DCUN1D4: variants seen among roughly 807,000 people sequenced by gnomAD.
DCUN1D4 encodes DCN1-like protein 4.
Under a neutral mutation model 47.9 loss-of-function variants are expected in DCUN1D4, and 22 were observed. The ratio of observed to expected loss-of-function variants is 0.46; its 90% CI spans 0.33 to 0.66. The LOEUF is 0.66. Among genes scored for constraint, DCUN1D4 ranks in the 30% least tolerant of loss-of-function variants. The probability of loss-of-function intolerance (pLI) is 0.02; values close to 1 mark genes in which losing one functional copy is unlikely to be tolerated. For missense variants in DCUN1D4, 301 were observed against 340.8 expected, an observed-to-expected ratio of 0.88 and a Z score of 0.92; for synonymous variants, 121 against 112.2, an observed-to-expected ratio of 1.08 and a Z score of -0.50.
In DCUN1D4 at chr4:51,874,332, G is replaced by A. The variant is rs752481392; in HGVS notation, c.198G>A (p.Lys66=). The change falls in exon 4 of 11, where the codon AAG becomes AAA. Residue 66 remains lysine, a synonymous_variant. Coordinates refer to ENST00000334635, the MANE Select transcript of DCUN1D4 (RefSeq NM_001040402.3). ...CFNKVMPPRK[K]RRPASGDDLS... is the part of the protein sequence containing the mutation. ...ATAAAGTGATGCCACCAAGGAAAAA[G>A]AGAAGACCTGCCTCTGGAGATGATT... is the stretch of plus-strand genomic sequence containing the variant. The A allele has an allele frequency of 6.2e-6, 10 of 1,613,870 alleles. No individual in the cohort carries two copies. The South Asian group carries it at 1.1e-4, about 18-fold the overall frequency.
intron 1 of DCUN1D4, chr4:51,848,208 T>C (rs946629077): frequency 2.2e-5 from 29 of 1,288,894 alleles, no homozygotes; most frequent in African/African-American, 2.1e-4. Flanking sequence ...CATGCAGATA[T>C]CAGTTTTAGA....
chr4:51,883,975 A>G (rs553645624), intron 5 of DCUN1D4, among the ~76,000 whole-genome samples: 162 of 148,620 alleles, frequency 1.1e-3, no homozygotes, highest in Non-Finnish European at 2.0e-3. Context: ...AAAACTAGGA[A>G]TATATAAATA....
At chr4:51,881,856 G>C (rs948995589) in intron 5 of DCUN1D4, among the ~76,000 whole-genome samples, 19 of 152,012 alleles carry the variant, frequency 1.2e-4, no homozygotes, top group Non-Finnish European at 2.2e-4. Flanking sequence ...TTAAATGTGT[G>C]CATGGGAAAG....
At chr4:51,911,017 G>A in intron 8 of DCUN1D4, 53 bp from the exon 9 acceptor site, 2 of 1,536,430 alleles carry the variant, frequency 1.3e-6, no homozygotes, top group South Asian at 1.1e-5. Context: ...GCAATTATTG[G>A]AATTTATTAT....
chr4:51,891,478 T>A (rs1284669902), intron 6 of DCUN1D4, among the ~76,000 whole-genome samples: 2 of 152,196 alleles, frequency 1.3e-5, no homozygotes, highest in Non-Finnish European at 2.9e-5. Flanking sequence ...ACATTTGATA[T>A]TGCCCTCTGG....
intron 7 of DCUN1D4, among the ~76,000 whole-genome samples, chr4:51,892,455 C>G (rs1300532157): frequency 6.6e-6 from 1 of 152,108 alleles, no homozygotes; most frequent in East Asian, 1.9e-4. Context: ...TTACTGGCAT[C>G]TGGTTTATAC....
In DCUN1D4 at chr4:51,899,271, T is replaced by C. The variant is rs1467219612; in HGVS notation, c.508T>C (p.Cys170Arg). The C allele has an allele frequency of 1.3e-6, 2 of 1,595,480 alleles. No individual in the cohort carries two copies. The highest frequency in any genetic ancestry group is 1.4e-5 in the African/African-American group (1 of 73,570). ...TTTGCCTTTATTCTGTTTTTCTAGA[T>C]GTGATACAACAGAAAAACTCAGAAA... ...EWLKGMTSLQ[C>R]DTTEKLRNTL... The change falls in exon 8 of 11, where the codon TGT becomes CGT. Residue 170 changes from cysteine (C) to arginine (R), a missense_variant and splice_region_variant. Physicochemically the swap from Cys to Arg is radical, Grantham distance 180. Around this residue, in one of 2 missense-constraint regions of DCUN1D4, gnomAD observed 170 missense variants for 234.5 expected, o/e 0.73. Coordinates refer to ENST00000334635, the MANE Select transcript of DCUN1D4 (RefSeq NM_001040402.3).
intron 8 of DCUN1D4, among the ~76,000 whole-genome samples, chr4:51,910,259 A>G (rs1290849182): frequency 1.3e-5 from 2 of 152,346 alleles, no homozygotes; most frequent in South Asian, 4.1e-4. Flanking sequence ...ATGGAAGCAT[A>G]TAAGAAAGAC....
chr4:51,905,808 G>C (rs554942441), intron 8 of DCUN1D4, among the ~76,000 whole-genome samples: 2 of 152,226 alleles, frequency 1.3e-5, no homozygotes, highest in East Asian at 3.9e-4. Context: ...CCACGGATTT[G>C]CAGTGCTGTT....
At position 51,911,181 on chromosome 4, in the gene DCUN1D4, A is replaced by G. The variant is rs766496575; in HGVS notation, c.720+7A>G. On this transcript the variant is annotated splice_region_variant and intron_variant, in intron 9 of 10. Transcript: ENST00000334635. ...TTTTCACCAATTCTTAGAGGTACCA[A>G]ATTGTTGTTTTATGAAATGTATGTT... 9 of 1,605,572 alleles carry G rather than the reference A, an allele frequency of 5.6e-6. No individual in the cohort carries two copies. Among genetic ancestry groups the G allele is most frequent in the Non-Finnish European group, 6.8e-6 (8 of 1,175,680 alleles).
At position 51,870,918 on chromosome 4, in the gene DCUN1D4, C is replaced by T. The variant is rs11934158; in HGVS notation, c.137-3353C>T. Among the ~76,000 whole-genome samples, 528 of 152,114 alleles carry T rather than the reference C, an allele frequency of 3.5e-3. 4 individuals are homozygous for T. The highest frequency in any genetic ancestry group is 0.012 in the African/African-American group (506 of 41,480). On this transcript the variant is annotated intron_variant, in intron 3 of 10. Transcript: ENST00000334635. ...TGAATGGGTTCCAGGGTGGCTCTGCCTTGACCAGCTGTGCTGTGTGGTCCT... is the reference window on the plus strand; with the variant it reads ...TGAATGGGTTCCAGGGTGGCTCTGCTTTGACCAGCTGTGCTGTGTGGTCCT...
At chr4:51,886,718 A>G in intron 6 of DCUN1D4, 80 bp downstream of exon 6, 1 of 1,205,650 alleles carries the variant, frequency 8.3e-7, no homozygotes. Context: ...AAATAAATAA[A>G]TAATTAAAAA....
At chr4:51,867,038 C>A (rs1468142979) in intron 3 of DCUN1D4, among the ~76,000 whole-genome samples, 7 of 152,220 alleles carry the variant, frequency 4.6e-5, no homozygotes, top group Admixed American at 4.6e-4. Context: ...TGAGCAAGCA[C>A]CCGCTCCAAT....
intron 6 of DCUN1D4, chr4:51,887,194 GGGTTGAAGCGATTTCCCCT>G (rs1319262953): frequency 4.7e-6 from 2 of 426,888 alleles, no homozygotes; most frequent in Non-Finnish European, 9.3e-6. Context: ...TCTGCCTCCC[GGGTTGAAGCGATTTCCCCT>G]GCCTCAGCCT....
chr4:51,911,244 T>C, intron 9 of DCUN1D4, 70 bp downstream of exon 9: 1 of 1,390,500 alleles, frequency 7.2e-7, no homozygotes, highest in Non-Finnish European at 1.0e-6. Context: ...TATTCACCCG[T>C]TGTATGTAAT....
At chr4:51,852,634 G>A (rs746623444) in intron 1 of DCUN1D4, among the ~76,000 whole-genome samples, 2 of 152,204 alleles carry the variant, frequency 1.3e-5, no homozygotes, top group Non-Finnish European at 2.9e-5. Flanking sequence ...CTGTCTCAGT[G>A]TCTTCTACGT....
In DCUN1D4 at chr4:51,887,193, C is replaced by T. The variant is rs191384028; in HGVS notation, c.414+555C>T. The T allele has an allele frequency of 7.5e-4, 322 of 426,840 alleles. 4 individuals are homozygous for T. The East Asian group carries it at 0.02, about 26-fold the overall frequency. The allele number at this position is 426,840 out of a possible 1,614,324, so 26.4% of individuals were successfully genotyped here. A position where few individuals can be genotyped will look rare whatever the true frequency, so the allele number is the denominator to read the frequency against. On this transcript the variant is annotated intron_variant, in intron 6 of 10. Transcript: ENST00000334635. ...TCGGCTCACTGCAACCTCTGCCTCCCGGGTTGAAGCGATTTCCCCTGCCTC... is the reference window on the plus strand; with the variant it reads ...TCGGCTCACTGCAACCTCTGCCTCCTGGGTTGAAGCGATTTCCCCTGCCTC...
the DCUN1D4 span, among the ~76,000 whole-genome samples, chr4:51,836,813 C>T: frequency 6.6e-6 from 1 of 152,180 alleles, no homozygotes; most frequent in Non-Finnish European, 1.5e-5. Context: ...CAGAATGCTT[C>T]ACTTTGCCAT....
intron 2 of DCUN1D4, 74 bp from the exon 3 acceptor site, chr4:51,863,596 A>G: frequency 1.3e-6 from 2 of 1,580,406 alleles, no homozygotes; most frequent in East Asian, 2.2e-5. Context: ...GATTCTAGAT[A>G]TTAGGATATC....
Sources: allele counts gnomAD v4.1 joint callset (sites outside exome capture counted in the v4.1 genomes callset), GRCh38; gene constraint gnomAD v4.1.1; regional missense constraint gnomAD v4.1.1; transcripts MANE v1.5; gene names NCBI Gene and HGNC (gene_info 2026-07-23, HGNC 2026-07-21).